Variants in ZRANB3 observed in about 807,000 individuals in gnomAD.
ZRANB3 encodes DNA annealing helicase and endonuclease ZRANB3.
ZRANB3 carries 125 observed loss-of-function variants against 133.8 expected under a neutral mutation model. The observed-to-expected ratio is 0.93, with a 90% CI of 0.81 to 1.08. The LOEUF is 1.08. Among genes scored for constraint, ZRANB3 ranks in the 50% least tolerant of loss-of-function variants. ZRANB3 has a pLI of 0.00. For missense variants in ZRANB3, 1,229 were observed against 1,275.5 expected (o/e 0.96, Z 0.56); for synonymous variants, 387 against 432.7 (o/e 0.89, Z 1.31).
intron 8 of ZRANB3, among the ~76,000 whole-genome samples, chr2:135,287,381 T>C (rs752929222): frequency 3.3e-5 from 5 of 152,212 alleles, no homozygotes; most frequent in Non-Finnish European, 7.3e-5. Context: ...CTTTTTTGCT[T>C]AGTCTTGCTT....
intron 1 of ZRANB3, among the ~76,000 whole-genome samples, chr2:135,509,050 A>T (rs559286068): frequency 3.3e-5 from 5 of 152,120 alleles, no homozygotes; most frequent in African/African-American, 4.8e-5. Flanking sequence ...TTAAAAAAAA[A>T]TTTTCTTCCA....
chr2:135,236,715 C>A (rs1047482141), intron 12 of ZRANB3, among the ~76,000 whole-genome samples: 3 of 152,088 alleles, frequency 2.0e-5, no homozygotes, highest in Non-Finnish European at 4.4e-5. Flanking sequence ...ATAAATGGTG[C>A]TGGGAAAACT....
intron 17 of ZRANB3, among the ~76,000 whole-genome samples, chr2:135,213,214 C>CA (rs1012896692): frequency 6.6e-6 from 1 of 151,782 alleles, no homozygotes; most frequent in African/African-American, 2.4e-5. Flanking sequence ...GAAAGCTGTG[C>CA]AAAAAAGGGG....
At chr2:135,472,606 C>T (rs1691320168) in intron 2 of ZRANB3, among the ~76,000 whole-genome samples, 1 of 151,588 alleles carries the variant, frequency 6.6e-6, no homozygotes. Context: ...TGCATTATGA[C>T]ATGTCAGAAT....
chr2:135,427,690 G>A (rs566787652), intron 2 of ZRANB3, among the ~76,000 whole-genome samples: 11 of 152,272 alleles, frequency 7.2e-5, no homozygotes, highest in Non-Finnish European at 1.3e-4. Context: ...CACAGAATTA[G>A]AAAGAGCTAT....
At chr2:135,498,980 G>A (rs1463339572) in intron 2 of ZRANB3, among the ~76,000 whole-genome samples, 12 of 151,990 alleles carry the variant, frequency 7.9e-5, no homozygotes, top group Admixed American at 2.0e-4. Flanking sequence ...CTGTGATCTC[G>A]CCCTGCCTCC....
intron 2 of ZRANB3, among the ~76,000 whole-genome samples, chr2:135,445,464 G>A (rs1689977086): frequency 2.0e-5 from 3 of 151,944 alleles, no homozygotes; most frequent in South Asian, 2.1e-4. Flanking sequence ...AAATAAAGGG[G>A]AAAATAGTGT....
intron 2 of ZRANB3, among the ~76,000 whole-genome samples, chr2:135,470,977 A>AT (rs1691241628): frequency 6.6e-6 from 1 of 151,190 alleles, no homozygotes; most frequent in South Asian, 2.1e-4. Flanking sequence ...AATTTTTTAT[A>AT]TTTTTAATAG....
intron 2 of ZRANB3, among the ~76,000 whole-genome samples, chr2:135,436,450 G>A (rs750592368): frequency 2.0e-5 from 3 of 152,070 alleles, no homozygotes; most frequent in Admixed American, 6.6e-5. Flanking sequence ...AAAATCACTA[G>A]CATTCCCATA....
intron 1 of ZRANB3, among the ~76,000 whole-genome samples, chr2:135,520,309 C>T (rs934441117): frequency 2.0e-5 from 3 of 151,800 alleles, no homozygotes; most frequent in Non-Finnish European, 2.9e-5. Context: ...GGCAGGAGAT[C>T]GGTTGAACCC....
chr2:135,461,158 A>G (rs1172004053), intron 2 of ZRANB3, among the ~76,000 whole-genome samples: 1 of 152,148 alleles, frequency 6.6e-6, no homozygotes, highest in Admixed American at 6.5e-5. Flanking sequence ...TTATATAATC[A>G]CTTTCATCAC....
chr2:135,208,954 G>A lies in ZRANB3; in HGVS notation c.2520C>T (p.Ala840=), dbSNP rs547624935. 44 of 1,613,828 alleles carry A rather than the reference G, an allele frequency of 2.7e-5. No individual in the cohort carries two copies. In the East Asian group the frequency reaches 7.4e-4, roughly 27 times the overall value. Reference sequence around the variant, plus strand: ...TCTTCACTTTGTCCATTGAGGCTACGGCAACATCTTCTTTGGTTATGTATC... The same window carrying A: ...TCTTCACTTTGTCCATTGAGGCTACAGCAACATCTTCTTTGGTTATGTATC... ...TKRYITKEDV[A]VASMDKVKNV... Residue 840 remains alanine, a synonymous_variant, in exon 18 of 21, where the codon GCC becomes GCT. Transcript: ENST00000264159.
intron 12 of ZRANB3, among the ~76,000 whole-genome samples, chr2:135,259,561 G>C (rs1679841326): frequency 6.6e-6 from 1 of 152,164 alleles, no homozygotes; most frequent in Non-Finnish European, 1.5e-5. Context: ...TGGGATTACA[G>C]GCATGTGCCA....
intron 6 of ZRANB3, among the ~76,000 whole-genome samples, chr2:135,340,864 C>A (rs1372691873): frequency 1.3e-5 from 2 of 149,066 alleles, no homozygotes; most frequent in African/African-American, 2.6e-5. Context: ...TCAAAAAAAA[C>A]AGTAAAATCT....
chr2:135,263,180 T>A (rs1386226640), intron 12 of ZRANB3, among the ~76,000 whole-genome samples: 1 of 152,232 alleles, frequency 6.6e-6, no homozygotes. Flanking sequence ...TGTTTTACTA[T>A]ATATATGTAC....
intron 2 of ZRANB3, among the ~76,000 whole-genome samples, chr2:135,457,756 T>C (rs922129611): frequency 6.6e-6 from 1 of 152,100 alleles, no homozygotes; most frequent in Non-Finnish European, 1.5e-5. Flanking sequence ...CCTTTGCCCA[T>C]TTTTTAATTG....
intron 17 of ZRANB3, 75 bp downstream of exon 17, chr2:135,217,390 G>C: frequency 7.3e-7 from 1 of 1,373,206 alleles, no homozygotes; most frequent in Non-Finnish European, 9.6e-7. Context: ...GGTTCCAAAA[G>C]ATGCCTCAGA....
chr2:135,412,737 G>A (rs1168087252), intron 2 of ZRANB3, among the ~76,000 whole-genome samples: 1 of 152,012 alleles, frequency 6.6e-6, no homozygotes, highest in Middle Eastern at 3.2e-3. Context: ...CATCTAGTAA[G>A]ATGCAGAGAC....
chr2:135,210,619 G>A (rs546878323), intron 17 of ZRANB3, among the ~76,000 whole-genome samples: 2 of 151,694 alleles, frequency 1.3e-5, no homozygotes, highest in Non-Finnish European at 2.9e-5. Context: ...GTGAGCCACC[G>A]TGTCTGGCTC....
Sources: gnomAD v4.1 joint callset for allele counts (sites outside exome capture counted in the v4.1 genomes callset) on GRCh38, gnomAD v4.1.1 for gene constraint, MANE v1.5 for transcripts, NCBI Gene and HGNC (gene_info 2026-07-23, HGNC 2026-07-21) for gene names.